The following PGR variants were observed in gnomAD, a reference collection of about 807,000 sequenced individuals.
PGR encodes the protein progesterone receptor, also known as nuclear receptor subfamily 3 group C member 3.
A neutral mutation model predicts 76.1 loss-of-function variants in PGR; 25 were observed. The observed-to-expected ratio is 0.33, with a 90% CI of 0.24 to 0.46. The LOEUF (loss-of-function observed/expected upper bound fraction) is 0.46. Among genes scored for constraint, PGR ranks in the 20% least tolerant of loss-of-function variants. The pLI is 1.00. For synonymous variants in PGR, 579 were observed against 535.0 expected (o/e 1.08, Z -1.14); for missense variants, 1,172 against 1,225.3 (o/e 0.96, Z 0.65).
intron 3 of PGR, among the ~76,000 whole-genome samples, chr11:101,090,473 GTCTT>G (rs1200821051): frequency 6.6e-6 from 1 of 152,192 alleles, no homozygotes; most frequent in Non-Finnish European, 1.5e-5. Flanking sequence ...ATACCTTCAG[GTCTT>G]TCTTCTGGCT....
intron 5 of PGR, chr11:101,050,804 A>C (rs1335661572): frequency 1.3e-5 from 2 of 159,228 alleles, no homozygotes; most frequent in Non-Finnish European, 2.8e-5. Context: ...TACAATGAAG[A>C]ATGCTGATTC....
intron 3 of PGR, among the ~76,000 whole-genome samples, chr11:101,073,262 T>C (rs1364246781): frequency 1.3e-5 from 2 of 152,134 alleles, no homozygotes; most frequent in Non-Finnish European, 2.9e-5. Context: ...AATAAATAAG[T>C]TATTTGAAAC....
chr11:101,076,077 A>G (rs1012591003), intron 3 of PGR, among the ~76,000 whole-genome samples: 2 of 152,240 alleles, frequency 1.3e-5, no homozygotes, highest in Non-Finnish European at 2.9e-5. Flanking sequence ...CCAAATGCCC[A>G]TCAATGATAG....
At chr11:101,093,447 A>G (rs1382526726) in intron 2 of PGR, among the ~76,000 whole-genome samples, 1 of 152,178 alleles carries the variant, frequency 6.6e-6, no homozygotes, top group Admixed American at 6.5e-5. Flanking sequence ...GAGAGAACAG[A>G]AAATAGCAAG....
In PGR at chr11:101,129,393, C is replaced by T; in HGVS notation, c.-323G>A. 3.1e-6 allele frequency: 1 copy of T among 325,988 alleles called. No individual in the cohort carries two copies. The highest frequency in any genetic ancestry group is 4.5e-5 in the Admixed American group (1 of 22,464). The allele number at this position is 325,988 out of a possible 1,614,324, so 20.2% of individuals were successfully genotyped here. A position where few individuals can be genotyped will look rare whatever the true frequency, so the allele number is the denominator to read the frequency against. On this transcript the variant is annotated 5_prime_UTR_variant, in exon 1 of 8. Coordinates refer to ENST00000325455, the MANE Select transcript of PGR (RefSeq NM_000926.4). The stretch of plus-strand genomic sequence containing the variant: ...GGAGTTCTCCAAGAGAGTTCTCCAA[C>T]TTCTGTCCGAGGACTGGAGACGCAG...
At chr11:101,126,201 C>A in intron 1 of PGR, 43 bp from the exon 2 acceptor site, 1 of 1,591,502 alleles carries the variant, frequency 6.3e-7, no homozygotes, top group Non-Finnish European at 8.6e-7. Flanking sequence ...TTTAAGTGCA[C>A]CACTATCTAA....
chr11:101,113,812 C>T, intron 2 of PGR, among the ~76,000 whole-genome samples: 1 of 152,256 alleles, frequency 6.6e-6, no homozygotes, highest in Non-Finnish European at 1.5e-5. Context: ...CAGGCATCTA[C>T]TCTCCTTGAG....
intron 2 of PGR, among the ~76,000 whole-genome samples, chr11:101,116,889 T>C (rs1232559580): frequency 6.6e-6 from 1 of 152,172 alleles, no homozygotes; most frequent in Non-Finnish European, 1.5e-5. Flanking sequence ...CAGAATGATA[T>C]TGTTCCTTGC....
intron 6 of PGR, among the ~76,000 whole-genome samples, chr11:101,046,883 TATTA>T (rs776437264): frequency 2.6e-5 from 4 of 152,164 alleles, no homozygotes; most frequent in Admixed American, 6.5e-5. Flanking sequence ...TCCCATGCTG[TATTA>T]ATTAACAGCA....
rs1489366404 is a variant in PGR, at chr11:101,039,254, A to G, written c.2664T>C (p.His888=). ...GGATAAATGTATTCAAGCAGTACAG[A>G]TGAAGTTGTTTGACAAGCTGTTGGT... ...DNLHDLVKQL[H]LYCLNTFIQS... is the part of the protein sequence containing the mutation. The change falls in exon 8 of 8, where the codon CAT becomes CAC. Residue 888 remains histidine, a synonymous_variant. Transcript: ENST00000325455. 3 of 1,610,868 alleles carry G rather than the reference A, an allele frequency of 1.9e-6. No homozygotes were observed. The highest frequency in any genetic ancestry group is 4.5e-5 in the East Asian group (2 of 44,734).
At chr11:101,058,668 C>G (rs1271526815) in intron 4 of PGR, among the ~76,000 whole-genome samples, 2 of 152,094 alleles carry the variant, frequency 1.3e-5, no homozygotes, top group Non-Finnish European at 1.5e-5. Flanking sequence ...CCTCATACCC[C>G]CTCTGTCACA....
At chr11:101,109,651 C>T (rs1258565182) in intron 2 of PGR, among the ~76,000 whole-genome samples, 1 of 152,102 alleles carries the variant, frequency 6.6e-6, no homozygotes, top group Admixed American at 6.6e-5. Flanking sequence ...TCCCATAACA[C>T]AAAAGTACAA....
At chr11:101,041,264 A>G (rs1195469014) in intron 7 of PGR, among the ~76,000 whole-genome samples, 1 of 152,002 alleles carries the variant, frequency 6.6e-6, no homozygotes, top group African/African-American at 2.4e-5. Context: ...GTTGACCTGG[A>G]GAGTGGATAG....
At chr11:101,052,714 T>C (rs1445540656) in intron 4 of PGR, among the ~76,000 whole-genome samples, 1 of 152,092 alleles carries the variant, frequency 6.6e-6, no homozygotes, top group African/African-American at 2.4e-5. Flanking sequence ...GATAAAAGCC[T>C]GAAGTAAGTC....
intron 3 of PGR, among the ~76,000 whole-genome samples, chr11:101,065,990 G>C (rs1174975505): frequency 2.0e-5 from 3 of 152,170 alleles, no homozygotes; most frequent in Non-Finnish European, 4.4e-5. Flanking sequence ...CTTCCCTCCT[G>C]TTACAATTCA....
rs748521301 is a variant in PGR at position 101,127,962 on chromosome 11, T to C, written c.1109A>G (p.Lys370Arg). Residue 370 changes from lysine (K) to arginine (R), a missense_variant, in exon 1 of 8, where the codon AAG becomes AGG. This residue lies in a region of PGR where 893 missense variants were observed against 785.9 expected (regional missense o/e 1.14). Transcript: ENST00000325455. ...DCAYPPDAEP[K>R]DDAYPLYSDF... ...GCTATAGAGAGGGTACGCGTCGTCC[T>C]TGGGCTCGGCGTCGGGCGGGTACGC... 4 of 1,611,794 alleles carry C rather than the reference T, an allele frequency of 2.5e-6. No homozygotes were observed. The highest frequency in any genetic ancestry group is 2.7e-5 in the African/African-American group (2 of 74,826).
intron 2 of PGR, among the ~76,000 whole-genome samples, chr11:101,092,610 G>T (rs1861709434): frequency 6.6e-6 from 1 of 152,108 alleles, no homozygotes; most frequent in Non-Finnish European, 1.5e-5. Flanking sequence ...AACTATGGAT[G>T]CCTTTAAAAA....
rs1859522653 is a variant in PGR at position 101,036,565 on chromosome 11, A to G, written c.*2551T>C. On this transcript the variant is annotated 3_prime_UTR_variant, in exon 8 of 8. Transcript: ENST00000325455. ...ACTAAATAGTAATGGAGACATTAGT[A>G]GATAGGACTTTGTAGAGAAAAAGAT... The G allele has an allele frequency of 5.1e-6, 1 of 197,234 alleles. No homozygotes were observed. Among genetic ancestry groups the G allele is most frequent in the Non-Finnish European group, 1.1e-5 (1 of 95,210 alleles). 12.2% of individuals were successfully genotyped at this position (197,234 alleles called of 1,614,324 possible). A position where few individuals can be genotyped will look rare whatever the true frequency, so the allele number is the denominator to read the frequency against.
intron 2 of PGR, among the ~76,000 whole-genome samples, chr11:101,117,263 A>G (rs1232711367): frequency 6.6e-6 from 1 of 152,134 alleles, no homozygotes; most frequent in African/African-American, 2.4e-5. Flanking sequence ...AGTAATGCTT[A>G]TTAGTGAGTT....
Sources: allele counts gnomAD v4.1 joint callset (sites outside exome capture counted in the v4.1 genomes callset), GRCh38; gene constraint gnomAD v4.1.1; regional missense constraint gnomAD v4.1.1; transcripts MANE v1.5; gene names NCBI Gene and HGNC (gene_info 2026-07-23, HGNC 2026-07-21).